SCHIP1: variants seen among roughly 807,000 people sequenced by gnomAD.
SCHIP1 encodes the protein schwannomin interacting protein 1, also known as schwannomin-interacting protein 1.
In SCHIP1, 8 loss-of-function variants were observed where a neutral mutation model predicts 29.7. That is an observed-to-expected ratio of 0.27 (90% confidence interval 0.16 to 0.49). The LOEUF (loss-of-function observed/expected upper bound fraction) is 0.49, where lower values mean the gene tolerates loss of function less well. Among genes scored for constraint, SCHIP1 ranks in the 20% least tolerant of loss-of-function variants. The pLI, the probability that SCHIP1 is intolerant of heterozygous loss-of-function variation, is 0.99. For synonymous variants in SCHIP1, 76 were observed against 94.9 expected (o/e 0.80, Z 1.16); for missense variants, 193 against 294.6 (o/e 0.66, Z 2.52).
the SCHIP1 span, chr3:159,764,372 C>T: frequency 1.7e-4 from 249 of 1,500,912 alleles, no homozygotes; most frequent in African/African-American, 3.0e-3. The surrounding 1 kb of genome is among the most constrained non-coding windows in gnomAD (Gnocchi z 6.1). Flanking sequence ...TGAGCCGGGG[C>T]ATTTGGGGCG....
At chr3:159,282,798 GACATGGTTTC>G in the SCHIP1 span, 1 of 151,970 alleles carries the variant, frequency 6.6e-6, no homozygotes. Context: ...TTCATGAATA[GACATGGTTTC>G]ACATGTCTAT....
the SCHIP1 span, chr3:159,765,197 G>GC: frequency 9.5e-6 from 14 of 1,471,388 alleles, no homozygotes; most frequent in South Asian, 1.7e-4. Flanking sequence ...CCCGCGCACA[G>GC]CCCGCACGCC....
At chr3:159,725,420 C>T in the SCHIP1 span, among the ~76,000 whole-genome samples, 1 of 151,996 alleles carries the variant, frequency 6.6e-6, no homozygotes, top group African/African-American at 2.4e-5. Context: ...AGGCACATGC[C>T]ACTGCACCCA....
the SCHIP1 span, among the ~76,000 whole-genome samples, chr3:159,372,526 C>G: frequency 3.3e-5 from 5 of 151,844 alleles, no homozygotes; most frequent in African/African-American, 1.2e-4. Context: ...TATATTTTCA[C>G]ATTTACTTTA....
At chr3:159,291,503 C>A in the SCHIP1 span, among the ~76,000 whole-genome samples, 4 of 151,926 alleles carry the variant, frequency 2.6e-5, no homozygotes, top group Admixed American at 2.6e-4. Context: ...ATTTTGCAAC[C>A]CCAATGAAAT....
At chr3:159,705,034 G>A in the SCHIP1 span, among the ~76,000 whole-genome samples, 1 of 151,478 alleles carries the variant, frequency 6.6e-6, no homozygotes, top group Non-Finnish European at 1.5e-5. Context: ...CACAATCTTG[G>A]CTCACTGCAA....
At chr3:159,768,765 C>T in the SCHIP1 span, among the ~76,000 whole-genome samples, 1 of 152,178 alleles carries the variant, frequency 6.6e-6, no homozygotes, top group Non-Finnish European at 1.5e-5. Context: ...ACCTCCAGCA[C>T]CTGGTCCAGC....
the SCHIP1 span, among the ~76,000 whole-genome samples, chr3:159,511,814 C>T: frequency 6.6e-6 from 1 of 152,082 alleles, no homozygotes; most frequent in Non-Finnish European, 1.5e-5. Flanking sequence ...AAAAATGGAA[C>T]TTTATCTCTT....
At chr3:159,428,384 A>G in the SCHIP1 span, among the ~76,000 whole-genome samples, 1 of 151,698 alleles carries the variant, frequency 6.6e-6, no homozygotes, top group African/African-American at 2.4e-5. Context: ...AAGTGGGCAA[A>G]GGACATGAAC....
chr3:159,443,344 A>G, the SCHIP1 span, among the ~76,000 whole-genome samples: 3 of 152,312 alleles, frequency 2.0e-5, no homozygotes, highest in South Asian at 6.2e-4. Context: ...AATATATGAT[A>G]ACCAGTTTTA....
the SCHIP1 span, among the ~76,000 whole-genome samples, chr3:159,371,833 G>A: frequency 6.6e-6 from 1 of 152,068 alleles, no homozygotes; most frequent in African/African-American, 2.4e-5. Flanking sequence ...CAAGAAAAAA[G>A]TCTGTACATG....
chr3:159,553,901 C>T, the SCHIP1 span, among the ~76,000 whole-genome samples: 1 of 151,884 alleles, frequency 6.6e-6, no homozygotes, highest in South Asian at 2.1e-4. Flanking sequence ...CCTGGGTTCA[C>T]GCCATTCTTC....
chr3:159,307,854 G>A, the SCHIP1 span, among the ~76,000 whole-genome samples: 3 of 152,050 alleles, frequency 2.0e-5, no homozygotes, highest in Non-Finnish European at 4.4e-5. Context: ...GCTTGTTTTT[G>A]TTGGCCTTGT....
the SCHIP1 span, among the ~76,000 whole-genome samples, chr3:159,687,861 T>C: frequency 6.6e-6 from 1 of 152,364 alleles, no homozygotes; most frequent in South Asian, 2.1e-4. Context: ...TTTGATTTTC[T>C]GTTTCTGTGT....
intron 5 of SCHIP1, among the ~76,000 whole-genome samples, chr3:159,890,250 G>A (rs181269544): frequency 1.3e-5 from 2 of 152,282 alleles, no homozygotes; most frequent in East Asian, 3.9e-4. Context: ...GCCATGAGTT[G>A]ATAATTGTTG....
At chr3:159,851,093 G>A (rs1016118615) in intron 1 of SCHIP1, among the ~76,000 whole-genome samples, 2 of 152,168 alleles carry the variant, frequency 1.3e-5, no homozygotes, top group African/African-American at 4.8e-5. Flanking sequence ...GGGCAACATA[G>A]TGAGATCCCA....
chr3:159,482,018 T>C, the SCHIP1 span, among the ~76,000 whole-genome samples: 1 of 152,106 alleles, frequency 6.6e-6, no homozygotes, highest in African/African-American at 2.4e-5. Context: ...TATGAGCGTA[T>C]GTGTATATGC....
chr3:159,482,720 G>T, the SCHIP1 span, among the ~76,000 whole-genome samples: 1 of 152,138 alleles, frequency 6.6e-6, no homozygotes. Flanking sequence ...CCTCTGAAAT[G>T]CAAGAGGATT....
the SCHIP1 span, among the ~76,000 whole-genome samples, chr3:159,661,635 T>C: frequency 4.7e-3 from 723 of 152,268 alleles, 8 homozygotes; most frequent in African/African-American, 0.016. Context: ...AATTTAAATG[T>C]TTATCTTAGG....
Sources: gnomAD v4.1 joint callset for allele counts (sites outside exome capture counted in the v4.1 genomes callset) on GRCh38, gnomAD v4.1.1 for gene constraint, Gnocchi (gnomAD v3.1) non-coding constraint, MANE v1.5 for transcripts, NCBI Gene and HGNC (gene_info 2026-07-23, HGNC 2026-07-21) for gene names.